Variants in SP4 observed in about 807,000 individuals in gnomAD.
SP4 encodes the protein Sp4 transcription factor.
SP4 carries 19 observed loss-of-function variants against 72.8 expected under a neutral mutation model. That is an observed-to-expected ratio of 0.26 (90% CI 0.18 to 0.38). The LOEUF is 0.38. Among genes scored for constraint, SP4 ranks in the 10% least tolerant of loss-of-function variants. The pLI, the probability that SP4 is intolerant of heterozygous loss-of-function variation, is 1.00. For synonymous variants in SP4, 395 were observed against 333.1 expected (o/e 1.19, Z -2.02); for missense variants, 1,008 against 926.3 (o/e 1.09, Z -1.14).
In SP4 at chr7:21,511,528, T is replaced by G; in HGVS notation, c.*259T>G. ...TTGTTTGGAAATATATCACATAACC[T>G]TTATACAGAATCTTCCCATCTCTTA... is the stretch of plus-strand genomic sequence containing the variant. On this transcript the variant is annotated 3_prime_UTR_variant, in exon 6 of 6. Transcript: ENST00000222584. The G allele has an allele frequency of 2.7e-6, 1 of 377,090 alleles. No individual in the cohort carries two copies. Among genetic ancestry groups the G allele is most frequent in the Admixed American group, 4.2e-5 (1 of 23,818 alleles). 23.4% of individuals were successfully genotyped at this position (377,090 alleles called of 1,614,324 possible).
At chr7:21,453,008 G>A (rs1453692181) in intron 3 of SP4, among the ~76,000 whole-genome samples, 2 of 152,074 alleles carry the variant, frequency 1.3e-5, no homozygotes, top group Admixed American at 1.3e-4. Context: ...TTGAACTCCT[G>A]ACCTTGTGAT....
At chr7:21,477,041 A>G in intron 3 of SP4, 38 bp from the exon 4 acceptor site, 2 of 1,513,174 alleles carry the variant, frequency 1.3e-6, no homozygotes, top group Non-Finnish European at 1.8e-6. Flanking sequence ...TTAGGTGTAG[A>G]AAACATTACA....
At chr7:21,456,836 C>G (rs1783779173) in intron 3 of SP4, among the ~76,000 whole-genome samples, 1 of 152,204 alleles carries the variant, frequency 6.6e-6, no homozygotes, top group Non-Finnish European at 1.5e-5. Flanking sequence ...TGTCTCAGGT[C>G]TGCCTGATGT....
At chr7:21,488,614 G>A (rs898168266) in intron 5 of SP4, among the ~76,000 whole-genome samples, 1 of 151,392 alleles carries the variant, frequency 6.6e-6, no homozygotes, top group Non-Finnish European at 1.5e-5. Flanking sequence ...GTTACATTTA[G>A]CCAGGTGCAG....
chr7:21,459,116 A>ATT (rs10649447), intron 3 of SP4, among the ~76,000 whole-genome samples: 2 of 150,556 alleles, frequency 1.3e-5, no homozygotes, highest in African/African-American at 4.9e-5. Flanking sequence ...TGTTTTGGGA[A>ATT]TTGTTTTGTT....
At chr7:21,490,647 T>C (rs1583438998) in intron 5 of SP4, among the ~76,000 whole-genome samples, 1 of 152,146 alleles carries the variant, frequency 6.6e-6, no homozygotes, top group South Asian at 2.1e-4. Context: ...GAGAGCGATA[T>C]AAAAGATGCT....
intron 3 of SP4, among the ~76,000 whole-genome samples, chr7:21,461,494 C>T (rs988295053): frequency 2.0e-5 from 3 of 152,244 alleles, no homozygotes; most frequent in Non-Finnish European, 2.9e-5. Flanking sequence ...AAGCCCCTCA[C>T]TGCCGGGGGC....
At chr7:21,465,840 G>A (rs1784151566) in intron 3 of SP4, among the ~76,000 whole-genome samples, 1 of 152,008 alleles carries the variant, frequency 6.6e-6, no homozygotes. Context: ...TGCAGGCTGG[G>A]CAACAGAGCA....
intron 4 of SP4, among the ~76,000 whole-genome samples, chr7:21,478,659 G>C (rs1157682671): frequency 6.6e-6 from 1 of 152,164 alleles, no homozygotes; most frequent in Non-Finnish European, 1.5e-5. Context: ...TGTATCTTTG[G>C]AGAAATGTTT....
chr7:21,497,439 A>G (rs1013968494), intron 5 of SP4, among the ~76,000 whole-genome samples: 7 of 152,232 alleles, frequency 4.6e-5, no homozygotes, highest in Non-Finnish European at 1.0e-4. Flanking sequence ...AAACACTTCC[A>G]TGGATTGCTG....
chr7:21,500,493 C>G (rs1292850002), intron 5 of SP4, among the ~76,000 whole-genome samples: 1 of 152,198 alleles, frequency 6.6e-6, no homozygotes, highest in Non-Finnish European at 1.5e-5. Context: ...AAAATCAAGG[C>G]TTTGGCAGGA....
Position 21,437,902 on chromosome 7 carries a change from A to C in SP4, c.1678+7059A>C, listed in dbSNP as rs553906188. Among the ~76,000 whole-genome samples the C allele has an allele frequency of 3.6e-4, 55 of 152,312 alleles. 1 individual carries two copies. In the South Asian group the frequency reaches 0.011, roughly 31 times the overall value. Reference sequence around the variant, plus strand: ...TGTATCAAGAAGGATTCCCAGAATGAAGAATGTGGAAAACATTTCGTACTA... The same window carrying C: ...TGTATCAAGAAGGATTCCCAGAATGCAGAATGTGGAAAACATTTCGTACTA... On this transcript the variant is annotated intron_variant, in intron 3 of 5. Coordinates refer to ENST00000222584, the MANE Select transcript of SP4 (RefSeq NM_003112.5).
At chr7:21,507,115 G>GTA (rs1469409070) in intron 5 of SP4, among the ~76,000 whole-genome samples, 1 of 152,176 alleles carries the variant, frequency 6.6e-6, no homozygotes, top group East Asian at 1.9e-4. Flanking sequence ...CAGCCCAGGT[G>GTA]TAAGAGCTGT....
intron 3 of SP4, among the ~76,000 whole-genome samples, chr7:21,471,718 C>G (rs1017418836): frequency 6.6e-6 from 1 of 152,064 alleles, no homozygotes; most frequent in Non-Finnish European, 1.5e-5. Context: ...TCTGTAGTCC[C>G]AACTACTCAG....
intron 5 of SP4, among the ~76,000 whole-genome samples, chr7:21,489,553 C>CTTTTTTTTTTTT (rs1193080485): frequency 4.8e-5 from 4 of 82,514 alleles, no homozygotes; most frequent in Non-Finnish European, 6.9e-5. Flanking sequence ...TTTCTTTTTT[C>CTTTTTTTTTTTT]TTTTTTTTTT....
chr7:21,486,131 A>G (rs748191309), intron 5 of SP4, among the ~76,000 whole-genome samples: 5 of 145,286 alleles, frequency 3.4e-5, no homozygotes, highest in Non-Finnish European at 6.1e-5. Flanking sequence ...TCACAGCTCT[A>G]TTTTCTTTCA....
chr7:21,443,206 G>A (rs148204301), intron 3 of SP4, among the ~76,000 whole-genome samples: 1,575 of 152,194 alleles, frequency 0.01, 31 homozygotes, highest in African/African-American at 0.036. Context: ...CTTAGTATCT[G>A]TCATTCTGAT....
chr7:21,488,736 G>C (rs954161085), intron 5 of SP4, among the ~76,000 whole-genome samples: 9 of 151,332 alleles, frequency 5.9e-5, no homozygotes, highest in Non-Finnish European at 1.0e-4. Context: ...CTGCACTCCA[G>C]CCTGGGCAAT....
intron 5 of SP4, among the ~76,000 whole-genome samples, chr7:21,490,174 T>G (rs951837464): frequency 6.6e-6 from 1 of 152,206 alleles, no homozygotes; most frequent in Non-Finnish European, 1.5e-5. Flanking sequence ...AAGTGAAAAC[T>G]TGAATTTGAA....
Sources: gnomAD v4.1 joint callset for allele counts (sites outside exome capture counted in the v4.1 genomes callset) on GRCh38, gnomAD v4.1.1 for gene constraint, MANE v1.5 for transcripts, NCBI Gene and HGNC (gene_info 2026-07-23, HGNC 2026-07-21) for gene names.